The following MTMR7 variants were observed in gnomAD, a reference collection of about 807,000 sequenced individuals.
MTMR7 encodes the protein phosphatidylinositol-3-phosphate phosphatase MTMR7.
A neutral mutation model predicts 81.2 loss-of-function variants in MTMR7; 76 were observed. That is an observed-to-expected ratio of 0.94 (90% CI 0.78 to 1.13). MTMR7 has a LOEUF of 1.13. Among genes scored for constraint, MTMR7 ranks in the 50% most tolerant of loss-of-function variants. The pLI, the probability that MTMR7 is intolerant of heterozygous loss-of-function variation, is 0.00. For synonymous variants in MTMR7, 372 were observed against 289.8 expected (o/e 1.28, Z -2.88); for missense variants, 1,044 against 820.0 (o/e 1.27, Z -3.34).
chr8:17,316,489 A>G (rs1262415093), intron 7 of MTMR7, among the ~76,000 whole-genome samples: 7 of 150,968 alleles, frequency 4.6e-5, no homozygotes, highest in African/African-American at 1.7e-4. Context: ...ACCTTTCTAC[A>G]GTCTCCTTGT....
In MTMR7 at chr8:17,309,586, C is replaced by T. The variant is rs553266183; in HGVS notation, c.1102-260G>A. Among the ~76,000 whole-genome samples, 12 of 152,282 alleles carry T rather than the reference C, an allele frequency of 7.9e-5. No individual in the cohort carries two copies. In the South Asian group the frequency reaches 2.5e-3, roughly 32 times the overall value. On this transcript the variant is annotated intron_variant, in intron 9 of 13. Coordinates refer to ENST00000180173, the MANE Select transcript of MTMR7 (RefSeq NM_004686.5). The stretch of plus-strand genomic sequence containing the variant: ...CCACCCGCTGAATGCTTCCTATGTG[C>T]CAGGCACTGTTCACATTGCTTTACG...
At chr8:17,364,056 G>C (rs1820144265) in intron 3 of MTMR7, among the ~76,000 whole-genome samples, 1 of 116,882 alleles carries the variant, frequency 8.6e-6, no homozygotes, top group Non-Finnish European at 1.6e-5. Flanking sequence ...TTCAGACGGA[G>C]TCTCGCTCTG....
rs1158740589 is a variant in MTMR7, at chr8:17,299,823, G to T, written c.*39C>A. ...TTGTTCCCTTGTTTTTGGAAGTGTT[G>T]CTTATGTGTCCTTTACTTTGGAACT... On this transcript the variant is annotated 3_prime_UTR_variant, in exon 14 of 14. Transcript: ENST00000180173. 1.2e-6 allele frequency: 2 copies of T among 1,603,468 alleles called. No homozygotes were observed. The highest frequency in any genetic ancestry group is 1.7e-5 in the Admixed American group (1 of 58,872).
At position 17,347,562 on chromosome 8, in the gene MTMR7, G is replaced by A. The variant is rs113883516; in HGVS notation, c.597+1391C>T. On this transcript the variant is annotated intron_variant, in intron 5 of 13. Coordinates refer to ENST00000180173, the MANE Select transcript of MTMR7 (RefSeq NM_004686.5). ...ATCTCCTGTGTTTATAGCCTCACTC[G>A]GCTTTGAATCCAGAAGTATATTATC... Among the ~76,000 whole-genome samples the A allele has an allele frequency of 3.5e-4, 54 of 152,244 alleles. 2 individuals are homozygous for A. Among genetic ancestry groups the A allele is most frequent in the African/African-American group, 1.1e-3 (47 of 41,538 alleles).
chr8:17,376,833 A>T (rs10435698), intron 1 of MTMR7, among the ~76,000 whole-genome samples: 22,019 of 151,994 alleles, frequency 0.14, 1,927 homozygotes, highest in East Asian at 0.39. Context: ...CAGAAGTGAA[A>T]GTTATGCCTT....
chr8:17,410,515 A>T (rs537861432), intron 1 of MTMR7, among the ~76,000 whole-genome samples: 1 of 152,198 alleles, frequency 6.6e-6, no homozygotes, highest in South Asian at 2.1e-4. Context: ...CTAGAAGTTC[A>T]CTGGGATGAG....
intron 9 of MTMR7, among the ~76,000 whole-genome samples, chr8:17,311,248 T>C (rs970131168): frequency 6.6e-5 from 10 of 152,292 alleles, no homozygotes; most frequent in African/African-American, 2.4e-4. Context: ...CTACCAAATA[T>C]ATTTTATATT....
chr8:17,383,581 G>T (rs7009094), intron 1 of MTMR7, among the ~76,000 whole-genome samples: 69,158 of 152,062 alleles, frequency 0.45, 16,767 homozygotes, highest in Admixed American at 0.6. Context: ...TATTGCAAAT[G>T]AAGGAAAAAC....
intron 10 of MTMR7, among the ~76,000 whole-genome samples, chr8:17,308,899 C>G (rs35564616): frequency 0.11 from 17,114 of 152,214 alleles, 1,312 homozygotes; most frequent in Non-Finnish European, 0.17. Flanking sequence ...TATAGAAGAT[C>G]AAAGAGAAAC....
intron 3 of MTMR7, among the ~76,000 whole-genome samples, chr8:17,368,178 T>A (rs1343018028): frequency 6.6e-6 from 1 of 152,036 alleles, no homozygotes; most frequent in African/African-American, 2.4e-5. Flanking sequence ...CGGTTCACAA[T>A]AGAGTTCATG....
chr8:17,300,833 A>G (rs1456768206), intron 13 of MTMR7, among the ~76,000 whole-genome samples: 1 of 152,210 alleles, frequency 6.6e-6, no homozygotes, highest in East Asian at 1.9e-4. Context: ...GGATTTGCCT[A>G]GTCTAGATGT....
chr8:17,407,668 G>T (rs1821627485), intron 1 of MTMR7, among the ~76,000 whole-genome samples: 1 of 151,404 alleles, frequency 6.6e-6, no homozygotes, highest in South Asian at 2.1e-4. Context: ...GTTTAAAGAA[G>T]CAAACTACAA....
At chr8:17,375,282 G>C (rs1257503518) in intron 1 of MTMR7, among the ~76,000 whole-genome samples, 1 of 152,018 alleles carries the variant, frequency 6.6e-6, no homozygotes, top group Non-Finnish European at 1.5e-5. Flanking sequence ...CAGCCCTCTA[G>C]GAGTAGCTCT....
rs551684385 is a variant in MTMR7, at chr8:17,407,968, C to T, written c.24+5301G>A. Among the ~76,000 whole-genome samples the T allele has an allele frequency of 1.1e-4, 16 of 152,216 alleles. No homozygotes were observed. The South Asian group carries it at 3.1e-3, about 30-fold the overall frequency. ...ACTTGAAAATGAGATCACTATTTGC[C>T]CACGGTGAAAACAGAATTGTATAAT... On this transcript the variant is annotated intron_variant, in intron 1 of 13. Transcript: ENST00000180173.
In MTMR7 at chr8:17,341,577, A is replaced by G. The variant is rs148709753; in HGVS notation, c.598-80T>C. ...GACACTCTACGTGTGTCTCCAGAAC[A>G]AAGAGCCCTTGGCTCACTGATAGTC... On this transcript the variant is annotated intron_variant, in intron 5 of 13. Coordinates refer to ENST00000180173, the MANE Select transcript of MTMR7 (RefSeq NM_004686.5). 5.7e-5 allele frequency: 86 copies of G among 1,520,518 alleles called. No individual in the cohort carries two copies. In the African/African-American group the frequency reaches 1.1e-3, roughly 19 times the overall value. The allele number at this position is 1,520,518 out of a possible 1,614,324, so 94.2% of individuals were successfully genotyped here. A position where few individuals can be genotyped will look rare whatever the true frequency, so the allele number is the denominator to read the frequency against.
intron 7 of MTMR7, among the ~76,000 whole-genome samples, chr8:17,330,086 G>A (rs1210445981): frequency 6.6e-6 from 1 of 152,184 alleles, no homozygotes; most frequent in Non-Finnish European, 1.5e-5. Flanking sequence ...GTTTCATAAT[G>A]ACTGAGATGA....
In MTMR7 at chr8:17,412,738, T is replaced by A. The variant is rs536251113; in HGVS notation, c.24+531A>T. Among the ~76,000 whole-genome samples the A allele has an allele frequency of 2.6e-5, 4 of 152,332 alleles. No homozygotes were observed. The East Asian group carries it at 7.7e-4, about 29-fold the overall frequency. On this transcript the variant is annotated intron_variant, in intron 1 of 13. Coordinates refer to ENST00000180173, the MANE Select transcript of MTMR7 (RefSeq NM_004686.5). ...TACAATGAATATTGATTATCCGTTC[T>A]GTGTAAGGCCCCTTGCAGCTGCTAC...
chr8:17,304,893 C>A (rs7006273), intron 11 of MTMR7, among the ~76,000 whole-genome samples: 106,103 of 151,902 alleles, frequency 0.7, 38,135 homozygotes, highest in African/African-American at 0.86. Context: ...GCTGTGAGCT[C>A]TGTCTAATTT....
At chr8:17,404,560 CAA>C in intron 1 of MTMR7, among the ~76,000 whole-genome samples, 2 of 50,228 alleles carry the variant, frequency 4.0e-5, no homozygotes, top group South Asian at 1.6e-3. Context: ...CAACAGTAAA[CAA>C]ACATAAATTG....
Sources: allele counts gnomAD v4.1 joint callset (sites outside exome capture counted in the v4.1 genomes callset), GRCh38; gene constraint gnomAD v4.1.1; transcripts MANE v1.5; gene names NCBI Gene and HGNC (gene_info 2026-07-23, HGNC 2026-07-21).